EXPH5: variants seen among roughly 807,000 people sequenced by gnomAD.
EXPH5 encodes exophilin-5.
Under a neutral mutation model 41.1 loss-of-function variants are expected in EXPH5, and 42 were observed. The ratio of observed to expected loss-of-function variants is 1.02; its 90% confidence interval spans 0.80 to 1.32. The LOEUF (loss-of-function observed/expected upper bound fraction) is 1.32. Among genes scored for constraint, EXPH5 ranks in the 40% most tolerant of loss-of-function variants. The pLI is 0.00. For missense variants in EXPH5, 2,298 were observed against 2,314.5 expected, an observed-to-expected ratio of 0.99 and a Z score of 0.15; for synonymous variants, 798 against 833.5, an observed-to-expected ratio of 0.96 and a Z score of 0.73.
At chr11:108,575,029 T>A (rs2094075294) in intron 1 of EXPH5, among the ~76,000 whole-genome samples, 1 of 152,238 alleles carries the variant, frequency 6.6e-6, no homozygotes, top group African/African-American at 2.4e-5. Flanking sequence ...TTTGTTAAAG[T>A]CATGGTTAGA....
chr11:108,545,655 G>T (rs1219225655), intron 1 of EXPH5, among the ~76,000 whole-genome samples: 2 of 152,088 alleles, frequency 1.3e-5, no homozygotes, highest in African/African-American at 4.8e-5. Flanking sequence ...TGTAATCCCA[G>T]TGCTTTGGGA....
chr11:108,586,127 CAG>C (rs2094112178), intron 1 of EXPH5, among the ~76,000 whole-genome samples: 1 of 151,966 alleles, frequency 6.6e-6, no homozygotes, highest in Non-Finnish European at 1.5e-5. Flanking sequence ...TTAGTAGAGA[CAG>C]AGTTTTGCCA....
chr11:108,562,569 A>C (rs1375977738), intron 1 of EXPH5, among the ~76,000 whole-genome samples: 2 of 152,168 alleles, frequency 1.3e-5, no homozygotes, highest in East Asian at 3.9e-4. Flanking sequence ...AGATCGCACC[A>C]CTGCACTCCA....
intron 3 of EXPH5, among the ~76,000 whole-genome samples, chr11:108,533,424 C>T (rs1182839041): frequency 6.6e-6 from 1 of 152,142 alleles, no homozygotes; most frequent in Non-Finnish European, 1.5e-5. Context: ...AGACTAGTCT[C>T]GAACTTCTGA....
chr11:108,532,358 ATATATATATTTTTTTTTTTTT>A (rs1485161090), intron 3 of EXPH5, among the ~76,000 whole-genome samples: 1 of 19,008 alleles, frequency 5.3e-5, no homozygotes, highest in African/African-American at 4.2e-4. Context: ...ATATATATAT[ATATATATATTTTTTTTTTTTT>A]TTTTTTTTTT....
At position 108,513,633 on chromosome 11, in the gene EXPH5, G is replaced by A. The variant is rs773013035; in HGVS notation, c.1874C>T (p.Ser625Phe). 12 of 1,612,546 alleles carry A rather than the reference G, an allele frequency of 7.4e-6. No homozygotes were observed. The highest frequency in any genetic ancestry group is 1.1e-5 in the South Asian group (1 of 90,776). Residue 625 changes from serine to phenylalanine, a missense_variant, in exon 6 of 6, where the codon TCC (serine) becomes TTC (phenylalanine). Physicochemically the swap from Ser to Phe is radical, Grantham distance 155. Coordinates refer to ENST00000265843, the MANE Select transcript of EXPH5 (RefSeq NM_015065.3). ...CTGGGAAAAGGAAGTTTTGAATGAG[G>A]ATGCTAGAGTCTGAGCAATTCCAAA... ...SSFGIAQTLA[S>F]SFKTSFSQIS...
chr11:108,591,485 G>T (rs2094127478), intron 1 of EXPH5, among the ~76,000 whole-genome samples: 1 of 152,174 alleles, frequency 6.6e-6, no homozygotes, highest in Admixed American at 6.5e-5. Context: ...TCATTGCCTT[G>T]GGTATTTGGT....
At chr11:108,533,760 C>A (rs976894999) in intron 3 of EXPH5, among the ~76,000 whole-genome samples, 11 of 152,072 alleles carry the variant, frequency 7.2e-5, no homozygotes, top group African/African-American at 2.7e-4. Context: ...CACTGGATCC[C>A]AATTGCACCC....
chr11:108,590,026 T>TA (rs1232429633), intron 1 of EXPH5, among the ~76,000 whole-genome samples: 1 of 152,208 alleles, frequency 6.6e-6, no homozygotes, highest in African/African-American at 2.4e-5. Context: ...GCACTTAATA[T>TA]ATGTTGGTGT....
rs1032686631 is a variant in EXPH5 at position 108,544,448 on chromosome 11, G to A, written c.120-2636C>T. Among the ~76,000 whole-genome samples, 4 of 152,156 alleles carry A rather than the reference G, an allele frequency of 2.6e-5. 1 individual carries two copies. The highest frequency in any genetic ancestry group is 2.0e-4 in the Admixed American group (3 of 15,272). ...CCCTCAAATTGTTGAGATTACAAGC[G>A]TGAGCCACAATGCCGAGCCCTGACT... On this transcript the variant is annotated intron_variant, in intron 1 of 5. Coordinates refer to ENST00000265843, the MANE Select transcript of EXPH5 (RefSeq NM_015065.3).
intron 4 of EXPH5, among the ~76,000 whole-genome samples, chr11:108,521,530 G>T (rs1464850595): frequency 6.6e-6 from 1 of 152,098 alleles, no homozygotes; most frequent in Admixed American, 6.6e-5. Flanking sequence ...ATAAAATTCG[G>T]AAGTAAACAA....
In EXPH5 at chr11:108,514,241, A is replaced by T. The variant is rs377448384; in HGVS notation, c.1266T>A (p.Asn422Lys). Residue 422 changes from asparagine (N) to lysine (K), a missense_variant, in exon 6 of 6, where the codon AAT (asparagine) becomes AAA (lysine). Asn to Lys is a moderately conservative substitution (Grantham distance 94). Transcript: ENST00000265843. ...NKRYESYHSQ[N>K]VYQRVSLNAP... ...CATTTAAACTAACACGTTGGTAAAC[A>T]TTCTGTGAATGGTACGATTCATATC... 12 of 1,614,130 alleles carry T rather than the reference A, an allele frequency of 7.4e-6. No homozygotes were observed. Among genetic ancestry groups the T allele is most frequent in the East Asian group, 6.7e-5 (3 of 44,902 alleles).
upstream of EXPH5, among the ~76,000 whole-genome samples, chr11:108,594,344 TAGG>T (rs1304060033): frequency 6.6e-6 from 1 of 152,198 alleles, no homozygotes; most frequent in African/African-American, 2.4e-5. Flanking sequence ...TATGGTATTT[TAGG>T]AGAAGACAGC....
intron 1 of EXPH5, among the ~76,000 whole-genome samples, chr11:108,563,708 C>T (rs1305203106): frequency 4.6e-5 from 7 of 152,254 alleles, no homozygotes; most frequent in East Asian, 3.9e-4. Flanking sequence ...TCCCAGCCAC[C>T]GTCCGGTTCA....
chr11:108,512,248 C>A lies in EXPH5; in HGVS notation c.3259G>T (p.Asp1087Tyr), dbSNP rs1225376385. Residue 1087 changes from aspartate (D) to tyrosine (Y), a missense_variant, in exon 6 of 6, where the codon GAC becomes TAC. Coordinates refer to ENST00000265843, the MANE Select transcript of EXPH5 (RefSeq NM_015065.3). ...SANECSKVLS[D>Y]SALEAPEATE... Reference sequence around the variant, plus strand: ...GCTTCAGGTGCTTCCAGGGCTGAGTCTGAAAGGACTTTGGAACATTCATTC... The same window carrying A: ...GCTTCAGGTGCTTCCAGGGCTGAGTATGAAAGGACTTTGGAACATTCATTC... The A allele has an allele frequency of 6.2e-7, 1 of 1,610,784 alleles. No homozygotes were observed. Among genetic ancestry groups the A allele is most frequent in the Non-Finnish European group, 8.5e-7 (1 of 1,178,996 alleles).
rs559765193 is a variant in EXPH5, at chr11:108,550,805, A to T, written c.120-8993T>A. Among the ~76,000 whole-genome samples the T allele has an allele frequency of 1.9e-4, 29 of 152,082 alleles. No homozygotes were observed. In the South Asian group the frequency reaches 3.5e-3, roughly 19 times the overall value. ...AAAAATAAATAAATAAATAAATAAA[A>T]AATAAAAATAAAATTTGGGGTGGTT... On this transcript the variant is annotated intron_variant, in intron 1 of 5. Transcript: ENST00000265843.
At chr11:108,519,209 C>T (rs1027392815) in intron 4 of EXPH5, among the ~76,000 whole-genome samples, 4 of 152,030 alleles carry the variant, frequency 2.6e-5, no homozygotes, top group Non-Finnish European at 2.9e-5. Flanking sequence ...ATCTTCCTGG[C>T]GACCACGGAA....
In EXPH5 at chr11:108,514,189, C is replaced by T. The variant is rs145665745; in HGVS notation, c.1318G>A (p.Asp440Asn). 3.5e-5 allele frequency: 56 copies of T among 1,614,084 alleles called. No homozygotes were observed. The highest frequency in any genetic ancestry group is 3.2e-4 in the African/African-American group (24 of 75,038). The change falls in exon 6 of 6, where the codon GAC (aspartate) becomes AAC (asparagine). Residue 440 changes from aspartate to asparagine, a missense_variant. Coordinates refer to ENST00000265843, the MANE Select transcript of EXPH5 (RefSeq NM_015065.3). ...NAPMENAMSP[D>N]TFENSENMPF... ...ATGTTCTCTGAGTTCTCAAAAGTGTCGGGACTCATTGCATTCTCCATGGGA... is the reference window on the plus strand; with the variant it reads ...ATGTTCTCTGAGTTCTCAAAAGTGTTGGGACTCATTGCATTCTCCATGGGA...
chr11:108,519,124 G>C (rs1289097132), intron 4 of EXPH5, among the ~76,000 whole-genome samples: 2 of 151,952 alleles, frequency 1.3e-5, no homozygotes, highest in African/African-American at 2.4e-5. Flanking sequence ...TTACGGACTC[G>C]CCCTGAATTC....
Sources: gnomAD v4.1 joint callset for allele counts (sites outside exome capture counted in the v4.1 genomes callset) on GRCh38, gnomAD v4.1.1 for gene constraint, MANE v1.5 for transcripts, NCBI Gene and HGNC (gene_info 2026-07-23, HGNC 2026-07-21) for gene names.